The following FLG variants were observed in gnomAD, a reference collection of about 807,000 sequenced individuals.
The protein encoded by FLG is filaggrin, also known as epidermal filaggrin.
Under a neutral mutation model 3.8 loss-of-function variants are expected in FLG, and 6 were observed. The observed-to-expected ratio is 1.60, with a 90% CI of 0.87 to 3.15. FLG has a LOEUF of 3.15. Ranked by LOEUF, FLG falls within the 30% of genes most tolerant of loss-of-function variation. FLG has a pLI of 0.00. For missense variants in FLG, 7,595 were observed against 5,050.9 expected, an observed-to-expected ratio of 1.50 and a Z score of -15.27; for synonymous variants, 2,551 against 1,931.6, an observed-to-expected ratio of 1.32 and a Z score of -8.41.
intron 1 of FLG, among the ~76,000 whole-genome samples, chr1:152,319,639 T>A (rs1221673597): frequency 6.6e-6 from 1 of 151,538 alleles, no homozygotes; most frequent in Non-Finnish European, 1.5e-5. Flanking sequence ...TTGATACTTG[T>A]CTTTTCAAAA....
chr1:152,310,553 C>G lies in FLG; in HGVS notation c.4333G>C (p.Val1445Leu), dbSNP rs761046630. 6.2e-7 allele frequency: 1 copy of G among 1,613,756 alleles called. No individual in the cohort carries two copies. The highest frequency in any genetic ancestry group is 1.7e-5 in the Admixed American group (1 of 59,990). Residue 1445 changes from valine (V) to leucine (L), a missense_variant, in exon 3 of 3, where the codon GTG (valine) becomes CTG (leucine). Physicochemically the swap from Val to Leu is conservative, Grantham distance 32. Transcript: ENST00000368799. ...SGRSRSFLYQ[V>L]SSHEQSESTH... ...GACTCAGACTGTTCATGAGAGCTCA[C>G]CTGGTAGAGGAAAGACCTTGAACGT...
In FLG at chr1:152,311,503, T is replaced by C; in HGVS notation, c.3383A>G (p.Glu1128Gly). ...GGTCCTGGTCCGCCCATGGGCAGAC[T>C]CAGACTGTTCATGAGTGCTCACCTG... is the stretch of plus-strand genomic sequence containing the variant. Reference protein sequence around the residue: ...IYQVSTHEQSESAHGRTRTST... With the variant: ...IYQVSTHEQSGSAHGRTRTST... The change falls in exon 3 of 3, where the codon GAG (glutamate) becomes GGG (glycine). Residue 1128 changes from glutamate to glycine, a missense_variant. By Grantham distance (98) the Glu-to-Gly change is moderately conservative. Transcript: ENST00000368799. The C allele has an allele frequency of 6.2e-7, 1 of 1,613,812 alleles. No individual in the cohort carries two copies. Among genetic ancestry groups the C allele is most frequent in the Non-Finnish European group, 8.5e-7 (1 of 1,179,958 alleles).
rs763820426 is a variant in FLG, at chr1:152,309,268, T to C, written c.5618A>G (p.Gln1873Arg). ...TGAGTGCCTGGAGCCGTCTCCTGAT[T>C]GTTTCTCATTACGTGTTTGTCTGCT... Reference protein sequence around the residue: ...SVSRQTRNEKQSGDGSRHSGS... With the variant: ...SVSRQTRNEKRSGDGSRHSGS... Residue 1873 changes from glutamine (Q) to arginine (R), a missense_variant, in exon 3 of 3, where the codon CAA (glutamine) becomes CGA (arginine). By Grantham distance (43) the Gln-to-Arg change is conservative. Coordinates refer to ENST00000368799, the MANE Select transcript of FLG (RefSeq NM_002016.2). 61 of 1,613,806 alleles carry C rather than the reference T, an allele frequency of 3.8e-5. 1 individual carries two copies. The Admixed American group carries it at 9.7e-4, about 26-fold the overall frequency.
chr1:152,309,384 A>T lies in FLG; in HGVS notation c.5502T>A (p.Asp1834Glu). 6.2e-7 allele frequency: 1 copy of T among 1,613,658 alleles called. No homozygotes were observed. Among genetic ancestry groups the T allele is most frequent in the Non-Finnish European group, 8.5e-7 (1 of 1,179,962 alleles). The change falls in exon 3 of 3, where the codon GAT becomes GAA. Residue 1834 changes from aspartate to glutamate, a missense_variant. Transcript: ENST00000368799. ...RQGSHYEQSV[D>E]SSGHSGSHHS... is the part of the protein sequence containing the mutation. ...GATGAGACCCTGAGTGTCCAGAACTATCTACCGATTGCTCATAGTGGGATC... is the reference window on the plus strand; with the variant it reads ...GATGAGACCCTGAGTGTCCAGAACTTTCTACCGATTGCTCATAGTGGGATC...
Position 152,307,532 on chromosome 1 carries a change from G to A in FLG, c.7354C>T (p.His2452Tyr), listed in dbSNP as rs752287771. 6.2e-7 allele frequency: 1 copy of A among 1,613,804 alleles called. No homozygotes were observed. The highest frequency in any genetic ancestry group is 1.1e-5 in the South Asian group (1 of 91,060). The change falls in exon 3 of 3, where the codon CAC becomes TAC. Residue 2452 changes from histidine (H) to tyrosine (Y), a missense_variant. Coordinates refer to ENST00000368799, the MANE Select transcript of FLG (RefSeq NM_002016.2). ...HHKQARDSSR[H>Y]STSQEGQDTI... ...TCCTGACCCTCTTGGGACGTTGAGT[G>A]CCTGGAGCTGTCTCGTGCCTGCTTG... is the stretch of plus-strand genomic sequence containing the variant.
rs1652410951 is a variant in FLG, at chr1:152,311,347, T to C, written c.3539A>G (p.His1180Arg). The change falls in exon 3 of 3, where the codon CAC (histidine) becomes CGC (arginine). Residue 1180 changes from histidine to arginine, a missense_variant. Transcript: ENST00000368799. ...GSRRGGRQGSHHEQSVDRSGH... is the reference protein window; with the variant it reads ...GSRRGGRQGSRHEQSVDRSGH... ...AGATCTATCTACCGATTGCTCATGG[T>C]GGGATCCCTGCCTTCCTCCTCTCCT... is the stretch of plus-strand genomic sequence containing the variant. 6.2e-7 allele frequency: 1 copy of C among 1,613,692 alleles called. No individual in the cohort carries two copies. Among genetic ancestry groups the C allele is most frequent in the Admixed American group, 1.7e-5 (1 of 59,962 alleles).
chr1:152,303,620 C>G lies in FLG; in HGVS notation c.11266G>C (p.Asp3756His), dbSNP rs1651738079. 1 of 1,614,056 alleles carries G rather than the reference C, an allele frequency of 6.2e-7. No individual in the cohort carries two copies. ...GACCCCGGGTGTCCACGAATGGTGT[C>G]CTGACCCTCTTGGGACGCTGAGTGC... The part of the protein sequence containing the change: ...SRHSASQEGQ[D>H]TIRGHPGSRR... The change falls in exon 3 of 3, where the codon GAC (aspartate) becomes CAC (histidine). Residue 3756 changes from aspartate (D) to histidine (H), a missense_variant. Transcript: ENST00000368799.
rs1353218840 is a variant in FLG at position 152,305,092 on chromosome 1, C to G, written c.9794G>C (p.Gly3265Ala). The change falls in exon 3 of 3, where the codon GGG becomes GCG. Residue 3265 changes from glycine to alanine, a missense_variant. Transcript: ENST00000368799. ...RSHHEDRAGH[G>A]HSADRSRQSG... ...TTGTCTGGAGCGGTCTGCAGAGTGC[C>G]CGTGACCGGCTCTGTCTTCGTGATG... The G allele has an allele frequency of 1.1e-5, 17 of 1,613,882 alleles. No individual in the cohort carries two copies. The highest frequency in any genetic ancestry group is 1.4e-5 in the Non-Finnish European group (17 of 1,179,938).
rs374301411 is a variant in FLG, at chr1:152,309,421, C to T, written c.5465G>A (p.Gly1822Glu). ...CTCATAGTGGGATCCCTGCCTTCCT[C>T]CTCTGCTTGACCCTGGGTGTCCACG... ...TIRGHPGSSR[G>E]GRQGSHYEQS... The change falls in exon 3 of 3, where the codon GGA (glycine) becomes GAA (glutamate). Residue 1822 changes from glycine to glutamate, a missense_variant. Gly to Glu is a moderately conservative substitution (Grantham distance 98). Transcript: ENST00000368799. The T allele has an allele frequency of 3.1e-6, 5 of 1,613,606 alleles. No individual in the cohort carries two copies. Among genetic ancestry groups the T allele is most frequent in the Non-Finnish European group, 4.2e-6 (5 of 1,179,956 alleles).
rs572786714 is a variant in FLG at position 152,313,158 on chromosome 1, T to C, written c.1728A>G (p.Gln576=). 1.9e-6 allele frequency: 3 copies of C among 1,613,822 alleles called. No homozygotes were observed. Among genetic ancestry groups the C allele is most frequent in the Non-Finnish European group, 2.5e-6 (3 of 1,179,986 alleles). ...SASRQTRNEE[Q]SGDGTRHSGS... is the part of the protein sequence containing the mutation. ...CTGAGTGCCTGGTGCCGTCTCCTGA[T>C]TGTTCCTCATTTCGTGTTTGTCTGC... The change falls in exon 3 of 3, where the codon CAA becomes CAG. Residue 576 remains glutamine, a synonymous_variant. Coordinates refer to ENST00000368799, the MANE Select transcript of FLG (RefSeq NM_002016.2).
chr1:152,308,965 G>T lies in FLG; in HGVS notation c.5921C>A (p.Ser1974Tyr). ...RAGHGHSADSSRQSGTRHTES... is the reference protein window; with the variant it reads ...RAGHGHSADSYRQSGTRHTES... ...TGTGTGACGAGTGCCTGATTGTCTG[G>T]AGCTGTCTGCAGAGTGCCCGTGACC... The change falls in exon 3 of 3, where the codon TCC (serine) becomes TAC (tyrosine). Residue 1974 changes from serine (S) to tyrosine (Y), a missense_variant. Ser to Tyr is a moderately radical substitution (Grantham distance 144). Transcript: ENST00000368799. The T allele has an allele frequency of 1.9e-6, 3 of 1,614,196 alleles. No homozygotes were observed. The highest frequency in any genetic ancestry group is 1.1e-5 in the South Asian group (1 of 91,084).
rs939482778 is a variant in FLG at position 152,311,852 on chromosome 1, T to A, written c.3034A>T (p.Thr1012Ser). The part of the protein sequence containing the change: ...SRQSGTPHAE[T>S]SSGGQAASSH... ...GACGCAGCCTGTCCACCAGAGGAAG[T>A]CTCTGCGTGAGGAGTTCCTGATTGT... The change falls in exon 3 of 3, where the codon ACT becomes TCT. Residue 1012 changes from threonine to serine, a missense_variant. Transcript: ENST00000368799. 7 of 1,613,850 alleles carry A rather than the reference T, an allele frequency of 4.3e-6. No homozygotes were observed. Among genetic ancestry groups the A allele is most frequent in the Non-Finnish European group, 5.9e-6 (7 of 1,179,964 alleles).
At position 152,303,571 on chromosome 1, in the gene FLG, G is replaced by A; in HGVS notation, c.11315C>T (p.Ser3772Phe). Residue 3772 changes from serine (S) to phenylalanine (F), a missense_variant, in exon 3 of 3, where the codon TCC (serine) becomes TTC (phenylalanine). Ser to Phe is a radical substitution (Grantham distance 155). Coordinates refer to ENST00000368799, the MANE Select transcript of FLG (RefSeq NM_002016.2). Reference protein sequence around the residue: ...PGSRRGGRQGSYHEQSVDRSG... With the variant: ...PGSRRGGRQGFYHEQSVDRSG... ...CCTATCTACCGATTGCTCGTGGTAG[G>A]ATCCCTGTCTTCCTCCTCTCCTTGA... 1 of 1,613,962 alleles carries A rather than the reference G, an allele frequency of 6.2e-7. No individual in the cohort carries two copies. Among genetic ancestry groups the A allele is most frequent in the Non-Finnish European group, 8.5e-7 (1 of 1,179,988 alleles).
In FLG at chr1:152,314,336, CT is replaced by C. The variant is rs1335400957; in HGVS notation, c.549del (p.Glu184ArgfsTer10). The C allele has an allele frequency of 6.2e-7, 1 of 1,612,640 alleles. No homozygotes were observed. The highest frequency in any genetic ancestry group is 8.5e-7 in the Non-Finnish European group (1 of 1,179,672). On this transcript the variant is annotated frameshift_variant, in exon 3 of 3. Transcript: ENST00000368799. LOFTEE classifies it low-confidence loss of function (END_TRUNC). Reference sequence around the variant, plus strand: ...CTAGTATTTTCAGTCTTGTTTTTCTCTTTTTTACTTGAGTTATGATGGTTTT... The same window carrying C: ...CTAGTATTTTCAGTCTTGTTTTTCTCTTTTTACTTGAGTTATGATGGTTTT... ...YGKNHHNSSK[K>X]EKNKTENTRL...
Position 152,312,132 on chromosome 1 carries a change from A to G in FLG, c.2754T>C (p.Ser918=). 2.5e-6 allele frequency: 4 copies of G among 1,613,964 alleles called. No homozygotes were observed. The highest frequency in any genetic ancestry group is 3.4e-6 in the Non-Finnish European group (4 of 1,179,988). Residue 918 remains serine (S), a synonymous_variant, in exon 3 of 3, where the codon TCT becomes TCC. Coordinates refer to ENST00000368799, the MANE Select transcript of FLG (RefSeq NM_002016.2). The part of the protein sequence containing the change: ...HSGSRHHEAS[S]HADISRHSQA... ...GTGAGTGTCTAGAGATGTCGGCATG[A>G]GAGGAAGCTTCATGGTGACGTGACC...
rs774174093 is a variant in FLG at position 152,308,148 on chromosome 1, G to T, written c.6738C>A (p.Asp2246Glu). ...SRPRGSSVSQ[D>E]SDSEGHSEDS... ...CTTCTGAGTGTCCCTCACTGTCACT[G>T]TCCTGGCTAACACTGGATCCCCGGG... Residue 2246 changes from aspartate to glutamate, a missense_variant, in exon 3 of 3, where the codon GAC becomes GAA. Transcript: ENST00000368799. 1.5e-5 allele frequency: 25 copies of T among 1,613,998 alleles called. No homozygotes were observed. Among genetic ancestry groups the T allele is most frequent in the Non-Finnish European group, 1.9e-5 (23 of 1,180,006 alleles).
In FLG at chr1:152,303,334, G is replaced by A. The variant is rs150496930; in HGVS notation, c.11552C>T (p.Ala3851Val). The stretch of plus-strand genomic sequence containing the variant: ...CTGGCGCCTGCTTCTCCTGGACCCC[G>A]CTGATTCACCCTGGCCGGACTGTGA... Reference protein sequence around the residue: ...RHSQSGQGESAGSRRSRRQGS... With the variant: ...RHSQSGQGESVGSRRSRRQGS... Residue 3851 changes from alanine to valine, a missense_variant, in exon 3 of 3, where the codon GCG (alanine) becomes GTG (valine). Transcript: ENST00000368799. 317 of 1,613,926 alleles carry A rather than the reference G, an allele frequency of 2.0e-4. No individual in the cohort carries two copies. Among genetic ancestry groups the A allele is most frequent in the Admixed American group, 2.8e-4 (17 of 59,990 alleles).
In FLG at chr1:152,307,322, G is replaced by C; in HGVS notation, c.7564C>G (p.Gln2522Glu). The C allele has an allele frequency of 6.2e-7, 1 of 1,613,588 alleles. No homozygotes were observed. Among genetic ancestry groups the C allele is most frequent in the South Asian group, 1.1e-5 (1 of 91,064 alleles). The part of the protein sequence containing the change: ...SASRQTRNDE[Q>E]SGDGSRHSGS... ...GAGTGCCTGGAGCCGTCTCCTGATT[G>C]TTCATCGTTACGAGTTTGTCTGCTT... is the stretch of plus-strand genomic sequence containing the variant. The change falls in exon 3 of 3, where the codon CAA becomes GAA. Residue 2522 changes from glutamine (Q) to glutamate (E), a missense_variant. By Grantham distance (29) the Gln-to-Glu change is conservative. Coordinates refer to ENST00000368799, the MANE Select transcript of FLG (RefSeq NM_002016.2).
rs528500943 is a variant in FLG, at chr1:152,311,345, G to T, written c.3541C>A (p.His1181Asn). 1 of 1,613,802 alleles carries T rather than the reference G, an allele frequency of 6.2e-7. No individual in the cohort carries two copies. Among genetic ancestry groups the T allele is most frequent in the Non-Finnish European group, 8.5e-7 (1 of 1,179,972 alleles). Residue 1181 changes from histidine to asparagine, a missense_variant, in exon 3 of 3, where the codon CAT becomes AAT. Physicochemically the swap from His to Asn is moderately conservative, Grantham distance 68. Coordinates refer to ENST00000368799, the MANE Select transcript of FLG (RefSeq NM_002016.2). ...SRRGGRQGSH[H>N]EQSVDRSGHS... ...CCAGATCTATCTACCGATTGCTCATGGTGGGATCCCTGCCTTCCTCCTCTC... is the reference window on the plus strand; with the variant it reads ...CCAGATCTATCTACCGATTGCTCATTGTGGGATCCCTGCCTTCCTCCTCTC...
Sources: allele counts gnomAD v4.1 joint callset (sites outside exome capture counted in the v4.1 genomes callset), GRCh38; gene constraint gnomAD v4.1.1; transcripts MANE v1.5; gene names NCBI Gene and HGNC (gene_info 2026-07-23, HGNC 2026-07-21).